The following TMEM117 variants were observed in gnomAD, a reference collection of about 807,000 sequenced individuals.
TMEM117 encodes transmembrane protein 117.
TMEM117 carries 27 observed loss-of-function variants against 52.4 expected under a neutral mutation model. The ratio of observed to expected loss-of-function variants is 0.51; its 90% CI spans 0.38 to 0.71. The LOEUF (loss-of-function observed/expected upper bound fraction) is 0.71, where lower values mean the gene tolerates loss of function less well. Ranked by LOEUF, TMEM117 falls within the 30% of genes least tolerant of loss-of-function variation. TMEM117 has a pLI of 0.00. For missense variants in TMEM117, 556 were observed against 630.5 expected, an observed-to-expected ratio of 0.88 and a Z score of 1.26; for synonymous variants, 215 against 206.3, an observed-to-expected ratio of 1.04 and a Z score of -0.36.
At chr12:44,171,016 T>C (rs1173266100) in intron 4 of TMEM117, among the ~76,000 whole-genome samples, 2 of 118,740 alleles carry the variant, frequency 1.7e-5, no homozygotes, top group South Asian at 2.3e-4. Flanking sequence ...CAAATATCTT[T>C]TTTTTTTTTT....
intron 1 of TMEM117, among the ~76,000 whole-genome samples, chr12:43,838,772 G>GT (rs1355404091): frequency 6.6e-6 from 1 of 151,800 alleles, no homozygotes; most frequent in African/African-American, 2.4e-5. Context: ...AGTCGTGCCT[G>GT]TTTCTGTCAG....
the TMEM117 span, among the ~76,000 whole-genome samples, chr12:44,398,964 G>A: frequency 6.6e-6 from 1 of 152,088 alleles, no homozygotes; most frequent in African/African-American, 2.4e-5. Flanking sequence ...CAGGATATAT[G>A]ATAAATGTTT....
rs576041252 is a variant in TMEM117, at chr12:43,913,874, A to G, written c.278-30336A>G. Among the ~76,000 whole-genome samples, 284 of 152,314 alleles carry G rather than the reference A, an allele frequency of 1.9e-3. 3 individuals are homozygous for G. Among genetic ancestry groups the G allele is most frequent in the African/African-American group, 6.4e-3 (268 of 41,580 alleles). Reference sequence around the variant, plus strand: ...ATTTATGTTTACAGAGAATAGAAGTATTACACGTGACCAAATATTAACTAT... The same window carrying G: ...ATTTATGTTTACAGAGAATAGAAGTGTTACACGTGACCAAATATTAACTAT... On this transcript the variant is annotated intron_variant, in intron 2 of 7. Coordinates refer to ENST00000266534, the MANE Select transcript of TMEM117 (RefSeq NM_032256.3).
intron 2 of TMEM117, among the ~76,000 whole-genome samples, chr12:43,893,129 A>G (rs1731456): frequency 0.72 from 109,140 of 152,236 alleles, 42,237 homozygotes; most frequent in East Asian, 0.87. Flanking sequence ...TCTTTTAGGA[A>G]GCCACGATAA....
At chr12:44,172,564 A>C (rs922328483) in intron 4 of TMEM117, among the ~76,000 whole-genome samples, 21 of 152,122 alleles carry the variant, frequency 1.4e-4, no homozygotes, top group Non-Finnish European at 3.1e-4. Flanking sequence ...TAACTAATCA[A>C]ATCTAAAATG....
intron 5 of TMEM117, among the ~76,000 whole-genome samples, chr12:44,214,491 A>G (rs1187482368): frequency 6.6e-6 from 1 of 152,086 alleles, no homozygotes; most frequent in Non-Finnish European, 1.5e-5. Flanking sequence ...TTTTTAACAT[A>G]TGTGATAACA....
intron 2 of TMEM117, among the ~76,000 whole-genome samples, chr12:43,932,719 C>T (rs1944891176): frequency 6.6e-6 from 1 of 152,142 alleles, no homozygotes; most frequent in African/African-American, 2.4e-5. Context: ...AAATTAACAC[C>T]TGTCTATGAT....
intron 3 of TMEM117, among the ~76,000 whole-genome samples, chr12:44,056,525 A>G (rs1456455418): frequency 1.3e-5 from 2 of 152,202 alleles, no homozygotes; most frequent in African/African-American, 4.8e-5. Flanking sequence ...GGAGTTTTGT[A>G]AAATTAATAG....
chr12:44,280,097 A>AT (rs958503766), intron 5 of TMEM117, among the ~76,000 whole-genome samples: 31 of 151,698 alleles, frequency 2.0e-4, no homozygotes, highest in African/African-American at 6.8e-4. Flanking sequence ...TTTTATTTTT[A>AT]TTTTTTTTAC....
chr12:44,181,682 C>T (rs1482783790), intron 4 of TMEM117, among the ~76,000 whole-genome samples: 3 of 151,938 alleles, frequency 2.0e-5, no homozygotes, highest in Admixed American at 2.0e-4. Context: ...GGCGTTATTT[C>T]TGAGGGCTCT....
intron 3 of TMEM117, among the ~76,000 whole-genome samples, chr12:43,997,005 C>T (rs1438280533): frequency 6.6e-6 from 1 of 152,204 alleles, no homozygotes; most frequent in African/African-American, 2.4e-5. Context: ...TCCAGTTGTT[C>T]TGGCGGCTCA....
chr12:44,238,640 G>A (rs1227615812), intron 5 of TMEM117, among the ~76,000 whole-genome samples: 1 of 151,968 alleles, frequency 6.6e-6, no homozygotes, highest in African/African-American at 2.4e-5. Context: ...ACAAGACCCT[G>A]TCTCTAAACA....
chr12:44,222,397 G>A (rs2138428147), intron 5 of TMEM117, among the ~76,000 whole-genome samples: 1 of 152,254 alleles, frequency 6.6e-6, no homozygotes. Context: ...AGTCTCCTGT[G>A]CCTACCTATA....
At chr12:44,366,711 G>A (rs1034200159) in intron 6 of TMEM117, among the ~76,000 whole-genome samples, 2 of 152,080 alleles carry the variant, frequency 1.3e-5, no homozygotes, top group African/African-American at 4.8e-5. Flanking sequence ...CAGAGATGGA[G>A]GTTGTTTCAG....
intron 3 of TMEM117, among the ~76,000 whole-genome samples, chr12:44,064,274 A>G (rs924773097): frequency 6.6e-6 from 1 of 152,194 alleles, no homozygotes; most frequent in Admixed American, 6.5e-5. Context: ...AAAAAGTTTA[A>G]AAGTTTCCGC....
chr12:43,998,721 C>T (rs571807602), intron 3 of TMEM117, among the ~76,000 whole-genome samples: 4 of 152,252 alleles, frequency 2.6e-5, no homozygotes, highest in Admixed American at 1.3e-4. Context: ...TTTGATAAAT[C>T]GGACTACATT....
chr12:44,090,214 A>G (rs1354148814), intron 3 of TMEM117, among the ~76,000 whole-genome samples: 1 of 152,026 alleles, frequency 6.6e-6, no homozygotes, highest in Admixed American at 6.6e-5. Flanking sequence ...TTCAGGGGGT[A>G]CATGTGCAGG....
intron 2 of TMEM117, among the ~76,000 whole-genome samples, chr12:43,864,292 C>T (rs774296881): frequency 5.9e-5 from 9 of 152,348 alleles, no homozygotes; most frequent in South Asian, 4.1e-4. Context: ...AGGCACACTG[C>T]GCAGGGACTG....
At chr12:44,268,296 C>T (rs1020880640) in intron 5 of TMEM117, among the ~76,000 whole-genome samples, 5 of 151,982 alleles carry the variant, frequency 3.3e-5, no homozygotes, top group Non-Finnish European at 4.4e-5. Context: ...CACCGCCATG[C>T]CTGGCTAATT....
Sources: gnomAD v4.1 joint callset for allele counts (sites outside exome capture counted in the v4.1 genomes callset) on GRCh38, gnomAD v4.1.1 for gene constraint, MANE v1.5 for transcripts, NCBI Gene and HGNC (gene_info 2026-07-23, HGNC 2026-07-21) for gene names.